Variants in CD226 observed in about 807,000 individuals in gnomAD.
CD226 encodes the protein CD226 molecule.
A neutral mutation model predicts 34.9 loss-of-function variants in CD226; 24 were observed. That is an observed-to-expected ratio of 0.69 (90% CI 0.50 to 0.97). The LOEUF is 0.97. CD226 is among the 50% of genes least tolerant of loss of function. The pLI, the probability that CD226 is intolerant of heterozygous loss-of-function variation, is 0.00. For missense variants in CD226, 397 were observed against 412.7 expected (o/e 0.96, Z 0.33); for synonymous variants, 148 against 147.4 (o/e 1.00, Z -0.03).
At chr18:69,866,081 C>T (rs1481151383) in intron 5 of CD226, among the ~76,000 whole-genome samples, 4 of 152,176 alleles carry the variant, frequency 2.6e-5, no homozygotes, top group African/African-American at 4.8e-5. Flanking sequence ...CAACTGTCTT[C>T]TCAGTATCCT....
intron 2 of CD226, among the ~76,000 whole-genome samples, chr18:69,925,967 A>AC (rs113901849): frequency 1.1e-4 from 16 of 152,200 alleles, no homozygotes; most frequent in African/African-American, 3.9e-4. Flanking sequence ...ATATGGTGAT[A>AC]CCCCATCTCT....
At chr18:69,872,684 A>C (rs1335684049) in intron 4 of CD226, among the ~76,000 whole-genome samples, 2 of 152,228 alleles carry the variant, frequency 1.3e-5, no homozygotes, top group South Asian at 2.1e-4. Flanking sequence ...CAACTATTTG[A>C]AATTATGCTG....
At chr18:69,914,591 C>G (rs2055363735) in intron 2 of CD226, among the ~76,000 whole-genome samples, 1 of 152,202 alleles carries the variant, frequency 6.6e-6, no homozygotes, top group African/African-American at 2.4e-5. Flanking sequence ...GCAAGATAGA[C>G]TAGACTTTTG....
rs189208276 is a variant in CD226, at chr18:69,929,324, C to T, written c.382+17410G>A. On this transcript the variant is annotated intron_variant, in intron 2 of 5. Transcript: ENST00000582621. ...GGACACCCTGGATCTAGTAACATCC[C>T]TTCCATCTTGATTTCTTCATGTACT... Among the ~76,000 whole-genome samples, 12 of 152,284 alleles carry T rather than the reference C, an allele frequency of 7.9e-5. No homozygotes were observed. In the East Asian group the frequency reaches 1.9e-3, roughly 24 times the overall value.
intron 2 of CD226, among the ~76,000 whole-genome samples, chr18:69,930,584 C>T (rs1180270270): frequency 6.6e-6 from 1 of 152,156 alleles, no homozygotes; most frequent in Non-Finnish European, 1.5e-5. Flanking sequence ...GGTGTCAAAA[C>T]CCAGGACCTA....
At chr18:69,911,001 T>C (rs1313052516) in intron 2 of CD226, among the ~76,000 whole-genome samples, 1 of 152,168 alleles carries the variant, frequency 6.6e-6, no homozygotes, top group African/African-American at 2.4e-5. Context: ...GGAATAATAA[T>C]GAGTTCTCAT....
At chr18:69,930,078 G>A (rs979034527) in intron 2 of CD226, among the ~76,000 whole-genome samples, 2 of 152,036 alleles carry the variant, frequency 1.3e-5, no homozygotes, top group African/African-American at 4.8e-5. Context: ...CCAAAAACTG[G>A]GGTATTTGAT....
Position 69,859,775 on chromosome 18 carries a change from A to G in CD226, c.*4539T>C, listed in dbSNP as rs1982723655. 6.6e-6 allele frequency: 1 copy of G among 152,216 alleles called. No individual in the cohort carries two copies. Among genetic ancestry groups the G allele is most frequent in the Non-Finnish European group, 1.5e-5 (1 of 68,042 alleles). The allele number at this position is 152,216 out of a possible 1,614,324, so 9.4% of individuals were successfully genotyped here. A position where few individuals can be genotyped will look rare whatever the true frequency, so the allele number is the denominator to read the frequency against. ...GACCCTTTGCACTACATGCACTTAT[A>G]AAATACAAAGAACAAGGCCAGGAGT... On this transcript the variant is annotated 3_prime_UTR_variant, in exon 6 of 6. Coordinates refer to ENST00000582621, the MANE Select transcript of CD226 (RefSeq NM_001303618.2).
intron 2 of CD226, 32 bp from the exon 3 acceptor site, chr18:69,896,077 G>A (rs1295520629): frequency 6.4e-7 from 1 of 1,574,214 alleles, no homozygotes; most frequent in Non-Finnish European, 8.6e-7. Flanking sequence ...TTAGATACAG[G>A]TTGTCAAATT....
chr18:69,877,111 T>G (rs547914653), intron 3 of CD226, among the ~76,000 whole-genome samples: 3 of 151,876 alleles, frequency 2.0e-5, no homozygotes, highest in East Asian at 3.9e-4. Context: ...TGATCCGCCC[T>G]CCTCGGCCTC....
At chr18:69,873,460 A>T (rs962107198) in intron 3 of CD226, among the ~76,000 whole-genome samples, 1 of 151,962 alleles carries the variant, frequency 6.6e-6, no homozygotes, top group Non-Finnish European at 1.5e-5. Context: ...TTGTTTTTTG[A>T]TTAAGCTGAG....
chr18:69,944,666 GCT>G (rs2145363352), intron 2 of CD226: 1 of 152,324 alleles, frequency 6.6e-6, no homozygotes, highest in East Asian at 1.9e-4. Context: ...AGCTTTGGTG[GCT>G]CAGGCCTTGT....
intron 3 of CD226, among the ~76,000 whole-genome samples, chr18:69,892,167 C>T (rs901478060): frequency 7.2e-5 from 11 of 152,290 alleles, no homozygotes; most frequent in Admixed American, 2.6e-4. Context: ...TTATACTTAT[C>T]AATAGCAAAC....
chr18:69,937,544 T>C (rs2055670302), intron 2 of CD226, among the ~76,000 whole-genome samples: 1 of 152,182 alleles, frequency 6.6e-6, no homozygotes, highest in Admixed American at 6.5e-5. Context: ...CTTTTCTCTC[T>C]CCCAATATTC....
chr18:69,901,496 G>A (rs1474436097), intron 2 of CD226, among the ~76,000 whole-genome samples: 1 of 152,148 alleles, frequency 6.6e-6, no homozygotes, highest in Admixed American at 6.5e-5. Flanking sequence ...TTGATAGTCG[G>A]CGAAGCTATA....
At position 69,855,970 on chromosome 18, in the gene CD226, C is replaced by CA. The variant is rs1277844799; in HGVS notation, c.*8343dup. 6.6e-6 allele frequency: 1 copy of CA among 151,990 alleles called. No individual in the cohort carries two copies. Among genetic ancestry groups the CA allele is most frequent in the African/African-American group, 2.4e-5 (1 of 41,386 alleles). 9.4% of individuals were successfully genotyped at this position (151,990 alleles called of 1,614,324 possible). A position where few individuals can be genotyped will look rare whatever the true frequency, so the allele number is the denominator to read the frequency against. On this transcript the variant is annotated 3_prime_UTR_variant, in exon 6 of 6. Transcript: ENST00000582621. ...GTATCAAAACATCACATGTACCCCC[C>CA]AAATATATACAACTCCTATATATCT... is the stretch of plus-strand genomic sequence containing the variant.
intron 3 of CD226, among the ~76,000 whole-genome samples, chr18:69,886,114 G>A (rs1984543578): frequency 6.6e-6 from 1 of 152,142 alleles, no homozygotes; most frequent in Non-Finnish European, 1.5e-5. Flanking sequence ...CTGGGGCCAA[G>A]AATAGGAACT....
intron 1 of CD226, among the ~76,000 whole-genome samples, chr18:69,955,421 A>C (rs2145387390): frequency 6.6e-6 from 1 of 152,356 alleles, no homozygotes; most frequent in East Asian, 1.9e-4. Context: ...GACTGTGAAC[A>C]GAAAATCTAG....
At chr18:69,901,746 G>A (rs2055187662) in intron 2 of CD226, among the ~76,000 whole-genome samples, 1 of 152,046 alleles carries the variant, frequency 6.6e-6, no homozygotes, top group Non-Finnish European at 1.5e-5. Context: ...GGGCGTGGTG[G>A]CAGGTGCCTG....
Sources: allele counts gnomAD v4.1 joint callset (sites outside exome capture counted in the v4.1 genomes callset), GRCh38; gene constraint gnomAD v4.1.1; transcripts MANE v1.5; gene names NCBI Gene and HGNC (gene_info 2026-07-23, HGNC 2026-07-21).